Variants in CAPS2 observed in about 807,000 individuals in gnomAD.
CAPS2 encodes calcyphosin-2.
Under a neutral mutation model 86.5 loss-of-function variants are expected in CAPS2, and 98 were observed. That is an observed-to-expected ratio of 1.13 (90% confidence interval 0.96 to 1.34). The LOEUF (loss-of-function observed/expected upper bound fraction) is 1.34, where lower values mean the gene tolerates loss of function less well. Among genes scored for constraint, CAPS2 ranks in the 40% most tolerant of loss-of-function variants. The pLI is 0.00. For missense variants in CAPS2, 729 were observed against 686.8 expected (o/e 1.06, Z -0.69); for synonymous variants, 210 against 225.1 (o/e 0.93, Z 0.60).
At chr12:75,291,518 T>TATATATATAG (rs1565792902) in intron 13 of CAPS2, among the ~76,000 whole-genome samples, 5 of 84,824 alleles carry the variant, frequency 5.9e-5, no homozygotes, top group African/African-American at 2.5e-4. Context: ...TATATATATA[T>TATATATATAG]ATATAGCTTA....
At chr12:75,309,480 A>G (rs1593431722) in intron 7 of CAPS2, among the ~76,000 whole-genome samples, 1 of 152,164 alleles carries the variant, frequency 6.6e-6, no homozygotes, top group African/African-American at 2.4e-5. Context: ...CCTTTTAACA[A>G]TCTTGCCCTC....
At chr12:75,296,323 GCT>G (rs1223002469) in intron 11 of CAPS2, among the ~76,000 whole-genome samples, 4 of 150,722 alleles carry the variant, frequency 2.7e-5, no homozygotes, top group African/African-American at 9.8e-5. Context: ...ACAGAGTCTC[GCT>G]CTGTCACCCA....
At chr12:75,369,528 A>C (rs1289906047) in intron 1 of CAPS2, 2 of 981,322 alleles carry the variant, frequency 2.0e-6, no homozygotes, top group Non-Finnish European at 1.2e-6. Context: ...ACTGGGGAGG[A>C]AAGTTTGATG....
At chr12:75,324,446 A>T (rs1186651231) in intron 2 of CAPS2, among the ~76,000 whole-genome samples, 3 of 152,216 alleles carry the variant, frequency 2.0e-5, no homozygotes, top group Admixed American at 2.0e-4. Context: ...TAAAATTTAC[A>T]ATAAACTTAT....
At chr12:75,321,651 AC>A in intron 4 of CAPS2, 75 bp from the exon 5 acceptor site, 5 of 1,019,720 alleles carry the variant, frequency 4.9e-6, no homozygotes, top group Non-Finnish European at 7.3e-6. Flanking sequence ...TAACAGGTTT[AC>A]CTCTTACCTT....
At chr12:75,309,805 G>A (rs1022210059) in intron 7 of CAPS2, among the ~76,000 whole-genome samples, 2 of 152,078 alleles carry the variant, frequency 1.3e-5, no homozygotes, top group Non-Finnish European at 1.5e-5. Flanking sequence ...AATGAAAAAG[G>A]CTGGCATTTA....
intron 7 of CAPS2, chr12:75,306,200 A>G: frequency 1.3e-6 from 1 of 740,978 alleles, no homozygotes. Context: ...TACGTGGAGC[A>G]GCTGGTGTTC....
chr12:75,348,396 GTA>G (rs1176948454), intron 1 of CAPS2, among the ~76,000 whole-genome samples: 3 of 152,182 alleles, frequency 2.0e-5, no homozygotes, highest in African/African-American at 7.2e-5. Context: ...GCAGAAATGT[GTA>G]TATATCTCTC....
At chr12:75,376,498 C>T (rs1254197074) in intron 1 of CAPS2, among the ~76,000 whole-genome samples, 1 of 152,136 alleles carries the variant, frequency 6.6e-6, no homozygotes, top group African/African-American at 2.4e-5. Flanking sequence ...GAGGATGTGT[C>T]CTGAGGAGAA....
chr12:75,322,633 T>C (rs1440343306), intron 4 of CAPS2, among the ~76,000 whole-genome samples: 1 of 152,208 alleles, frequency 6.6e-6, no homozygotes, highest in African/African-American at 2.4e-5. Context: ...TGAGCATAGC[T>C]ACTTACTCCA....
chr12:75,298,528 C>T (rs900578213), intron 11 of CAPS2, 159 bp downstream of exon 11: 5 of 537,080 alleles, frequency 9.3e-6, no homozygotes, highest in Admixed American at 3.1e-5. Context: ...AGCAGAAGCT[C>T]CTGGCAAAAC....
At chr12:75,347,519 C>T in intron 1 of CAPS2, 1 of 605,298 alleles carries the variant, frequency 1.7e-6, no homozygotes, top group Non-Finnish European at 2.9e-6. Flanking sequence ...TATTTATGTA[C>T]ATTATTTTTT....
At chr12:75,330,091 G>C, upstream of CAPS2, 1 of 392,240 alleles carries the variant, frequency 2.5e-6, no homozygotes. Flanking sequence ...GCAGCGCAGG[G>C]CTTCTGATTA....
intron 1 of CAPS2, among the ~76,000 whole-genome samples, chr12:75,376,678 G>A (rs1464267890): frequency 6.6e-6 from 1 of 152,102 alleles, no homozygotes; most frequent in East Asian, 1.9e-4. Flanking sequence ...CCCTCATCAG[G>A]GTCCTCCCAC....
downstream of CAPS2, chr12:75,277,182 A>G (rs968223165): frequency 7.9e-5 from 77 of 977,406 alleles, no homozygotes; most frequent in Non-Finnish European, 9.3e-5. Context: ...CTGTCATGTT[A>G]ACACGTTACA....
At chr12:75,311,077 T>C (rs1338429967) in intron 7 of CAPS2, among the ~76,000 whole-genome samples, 3 of 152,202 alleles carry the variant, frequency 2.0e-5, no homozygotes, top group African/African-American at 7.2e-5. Flanking sequence ...AATTAATACG[T>C]GAGCCTCGTA....
chr12:75,276,769 G>C (rs11180440), downstream of CAPS2: 153,030 of 856,668 alleles, frequency 0.18, 14,878 homozygotes, highest in South Asian at 0.33. Context: ...ATACAAGCAA[G>C]TAACTTACAA....
chr12:75,285,522 T>C (rs2034717507), intron 14 of CAPS2, among the ~76,000 whole-genome samples: 1 of 151,992 alleles, frequency 6.6e-6, no homozygotes, highest in Admixed American at 6.6e-5. Context: ...AACTATAGTT[T>C]CCATGCTGTG....
intron 13 of CAPS2, 36 bp from the exon 14 acceptor site, chr12:75,289,811 C>A: frequency 6.6e-7 from 1 of 1,516,976 alleles, no homozygotes; most frequent in South Asian, 1.2e-5. Context: ...ACAAATTGTT[C>A]CTATGCATAA....
Sources: allele counts gnomAD v4.1 joint callset (sites outside exome capture counted in the v4.1 genomes callset), GRCh38; gene constraint gnomAD v4.1.1; transcripts MANE v1.5; gene names NCBI Gene and HGNC (gene_info 2026-07-23, HGNC 2026-07-21).